GRK2: variants seen among roughly 807,000 people sequenced by gnomAD.
The protein encoded by GRK2 is G protein-coupled receptor kinase 2.
GRK2 carries 23 observed loss-of-function variants against 97.8 expected under a neutral mutation model. The ratio of observed to expected loss-of-function variants is 0.24; its 90% CI spans 0.17 to 0.33. GRK2 has a LOEUF of 0.33. Ranked by LOEUF, GRK2 falls within the 10% of genes least tolerant of loss-of-function variation. The probability of loss-of-function intolerance (pLI) is 1.00; values close to 1 mark genes in which losing one functional copy is unlikely to be tolerated. For missense variants in GRK2, 633 were observed against 956.9 expected (o/e 0.66, Z 4.47); for synonymous variants, 425 against 381.7 (o/e 1.11, Z -1.32).
At chr11:67,278,089 C>CCTCAGG (rs1860072590) in intron 2 of GRK2, among the ~76,000 whole-genome samples, 1 of 152,240 alleles carries the variant, frequency 6.6e-6, no homozygotes, top group South Asian at 2.1e-4. Flanking sequence ...CTGATGGTGT[C>CCTCAGG]CTCATCTGGG....
intron 1 of GRK2, among the ~76,000 whole-genome samples, chr11:67,275,347 C>T (rs1310050567): frequency 1.3e-5 from 2 of 152,224 alleles, no homozygotes; most frequent in Admixed American, 6.5e-5. Context: ...AGCTGCTCTC[C>T]GCAGACGGCT....
chr11:67,266,806 A>G lies in GRK2; in HGVS notation c.107A>G (p.Glu36Gly). 2 of 1,298,804 alleles carry G rather than the reference A, an allele frequency of 1.5e-6. No individual in the cohort carries two copies. Among genetic ancestry groups the G allele is most frequent in the South Asian group, 2.2e-5 (1 of 45,282 alleles). The allele number at this position is 1,298,804 out of a possible 1,614,324, so 80.5% of individuals were successfully genotyped here. The change falls in exon 1 of 21, where the codon GAG becomes GGG. Residue 36 changes from glutamate (E) to glycine (G), a missense_variant. Physicochemically the swap from Glu to Gly is moderately conservative, Grantham distance 98. This residue lies in a region of GRK2 where 193 missense variants were observed against 212.2 expected (regional missense o/e 0.91). Coordinates refer to ENST00000308595, the MANE Select transcript of GRK2 (RefSeq NM_001619.5). Reference sequence around the variant, plus strand: ...GCCAGCAAGAAGATCCTGCTGCCCGAGCCCAGGTGAGGAGAAGCTGCCCGC... The same window carrying G: ...GCCAGCAAGAAGATCCTGCTGCCCGGGCCCAGGTGAGGAGAAGCTGCCCGC... The part of the protein sequence containing the change: ...ARASKKILLP[E>G]PSIRSVMQKY...
In GRK2 at chr11:67,281,993, GTCCTC is replaced by G. The variant is rs1860163176; in HGVS notation, c.957+46_957+50del. 1 of 1,610,930 alleles carries G rather than the reference GTCCTC, an allele frequency of 6.2e-7. No homozygotes were observed. On this transcript the variant is annotated intron_variant, in intron 11 of 20. Transcript: ENST00000308595. This position sits in a 1 kb window ranked among gnomAD's most constrained non-coding sequence, Gnocchi z 5.7. ...GTCCCCAGGCTGGACCTCCGTGGCT[GTCCTC>G]TCCTTCCTCTCGACATCCCGGCCAC...
chr11:67,282,321 G>C lies in GRK2; in HGVS notation c.1008G>C (p.Leu336=). Residue 336 remains leucine (L), a synonymous_variant, in exon 12 of 21, where the codon CTG becomes CTC. Transcript: ENST00000308595. The surrounding 1 kb of genome is among the most constrained non-coding windows in gnomAD (Gnocchi z 6.9). The part of the protein sequence containing the change: ...DEHGHVRISD[L]GLACDFSKKK... Reference sequence around the variant, plus strand: ...ATGGCCACGTGCGGATCTCGGACCTGGGCCTGGCCTGTGACTTCTCCAAGA... The same window carrying C: ...ATGGCCACGTGCGGATCTCGGACCTCGGCCTGGCCTGTGACTTCTCCAAGA... 1 of 1,613,188 alleles carries C rather than the reference G, an allele frequency of 6.2e-7. No individual in the cohort carries two copies. Among genetic ancestry groups the C allele is most frequent in the African/African-American group, 1.3e-5 (1 of 74,896 alleles).
chr11:67,283,515 T>A (rs934694386), intron 15 of GRK2, 192 bp from the exon 16 acceptor site: 2 of 635,062 alleles, frequency 3.1e-6, no homozygotes, highest in Non-Finnish European at 5.5e-6. Context: ...GGCATAGGGT[T>A]GCAAAATTTA....
In GRK2 at chr11:67,269,602, G is replaced by T. The variant is rs769009423; in HGVS notation, c.113+2790G>T. On this transcript the variant is annotated intron_variant, in intron 1 of 20. Transcript: ENST00000308595. The surrounding 1 kb of genome is among the most constrained non-coding windows in gnomAD (Gnocchi z 4.1). ...GGCTGGGATGGAGAACTGAGCTGCCGTGGCAAAGCTACTGCACCGAGGGGC... is the reference window on the plus strand; with the variant it reads ...GGCTGGGATGGAGAACTGAGCTGCCTTGGCAAAGCTACTGCACCGAGGGGC... 6.6e-6 allele frequency among the ~76,000 whole-genome samples: 1 copy of T among 152,182 alleles called. No homozygotes were observed. Among genetic ancestry groups the T allele is most frequent in the Admixed American group, 6.5e-5 (1 of 15,280 alleles).
chr11:67,266,994 C>T (rs1179080903), intron 1 of GRK2, among the ~76,000 whole-genome samples, 182 bp downstream of exon 1: 5 of 151,974 alleles, frequency 3.3e-5, no homozygotes, highest in African/African-American at 7.2e-5. Context: ...GACCCTAAGC[C>T]CCAGACCCTG....
At position 67,269,928 on chromosome 11, in the gene GRK2, G is replaced by A. The variant is rs1447770084; in HGVS notation, c.113+3116G>A. ...GGGCCTCCCCTTCTGTCACCCTATA[G>A]AATCCAAGGAAACAGTCCCTTTCCC... is the stretch of plus-strand genomic sequence containing the variant. On this transcript the variant is annotated intron_variant, in intron 1 of 20. Coordinates refer to ENST00000308595, the MANE Select transcript of GRK2 (RefSeq NM_001619.5). This position sits in a 1 kb window ranked among gnomAD's most constrained non-coding sequence, Gnocchi z 4.1. 6.6e-6 allele frequency among the ~76,000 whole-genome samples: 1 copy of A among 152,192 alleles called. No individual in the cohort carries two copies. Among genetic ancestry groups the A allele is most frequent in the Non-Finnish European group, 1.5e-5 (1 of 68,020 alleles).
At chr11:67,284,128 C>A in intron 17 of GRK2, 83 bp from the exon 18 acceptor site, 1 of 1,572,926 alleles carries the variant, frequency 6.4e-7, no homozygotes, top group Non-Finnish European at 8.7e-7. Context: ...CTACCCAGGG[C>A]CCTGGGTCTG....
In GRK2 at chr11:67,281,612, G is replaced by A; in HGVS notation, c.748-38G>A. The A allele has an allele frequency of 6.2e-7, 1 of 1,608,102 alleles. No homozygotes were observed. Among genetic ancestry groups the A allele is most frequent in the Non-Finnish European group, 8.5e-7 (1 of 1,175,318 alleles). On this transcript the variant is annotated intron_variant, in intron 9 of 20. Coordinates refer to ENST00000308595, the MANE Select transcript of GRK2 (RefSeq NM_001619.5). This position sits in a 1 kb window ranked among gnomAD's most constrained non-coding sequence, Gnocchi z 5.7. ...AGGCTCTGGAACCCCGGGCGCCCCTGCTAACTGCCCGCCCCCTCCCCTCCT... is the reference window on the plus strand; with the variant it reads ...AGGCTCTGGAACCCCGGGCGCCCCTACTAACTGCCCGCCCCCTCCCCTCCT...
chr11:67,274,185 G>A (rs945480224), intron 1 of GRK2, among the ~76,000 whole-genome samples: 1 of 152,026 alleles, frequency 6.6e-6, no homozygotes, highest in Non-Finnish European at 1.5e-5. Flanking sequence ...GCTAATTTTT[G>A]TATTTTCAGT....
At position 67,275,240 on chromosome 11, in the gene GRK2, T is replaced by C. The variant is rs1166826682; in HGVS notation, c.114-2032T>C. Among the ~76,000 whole-genome samples, 12 of 152,078 alleles carry C rather than the reference T, an allele frequency of 7.9e-5. No individual in the cohort carries two copies. The East Asian group carries it at 2.3e-3, about 29-fold the overall frequency. ...CCCGGGAGTCCACTGCAGCCCTTCCTGGAAGGACAGTGCCCAGTGGAAGCG... is the reference window on the plus strand; with the variant it reads ...CCCGGGAGTCCACTGCAGCCCTTCCCGGAAGGACAGTGCCCAGTGGAAGCG... On this transcript the variant is annotated intron_variant, in intron 1 of 20. Coordinates refer to ENST00000308595, the MANE Select transcript of GRK2 (RefSeq NM_001619.5).
intron 15 of GRK2, 47 bp downstream of exon 15, chr11:67,283,275 A>C: frequency 6.5e-7 from 1 of 1,535,174 alleles, no homozygotes; most frequent in East Asian, 2.2e-5. Flanking sequence ...TGCCCCCATG[A>C]GGACAAGGGC....
chr11:67,272,936 C>T (rs1348594753), intron 1 of GRK2, among the ~76,000 whole-genome samples: 2 of 152,248 alleles, frequency 1.3e-5, no homozygotes, highest in Non-Finnish European at 2.9e-5. Flanking sequence ...AGACCAGTTA[C>T]TGTGTGATTC....
chr11:67,282,979 C>A lies in GRK2; in HGVS notation c.1228-149C>A. The A allele has an allele frequency of 3.5e-6, 4 of 1,141,320 alleles. No individual in the cohort carries two copies. The highest frequency in any genetic ancestry group is 4.8e-5 in the East Asian group (2 of 41,962). 70.7% of individuals were successfully genotyped at this position (1,141,320 alleles called of 1,614,324 possible). A position where few individuals can be genotyped will look rare whatever the true frequency, so the allele number is the denominator to read the frequency against. On this transcript the variant is annotated intron_variant, in intron 14 of 20. Coordinates refer to ENST00000308595, the MANE Select transcript of GRK2 (RefSeq NM_001619.5). This position sits in a 1 kb window ranked among gnomAD's most constrained non-coding sequence, Gnocchi z 6.9. ...CCTGCCCCATAGGCTCTCGCCCTCC[C>A]CGTGCTGTTGGAGCATGACTGCTGG...
chr11:67,280,314 G>A (rs983853315), intron 6 of GRK2: 16 of 368,894 alleles, frequency 4.3e-5, no homozygotes, highest in African/African-American at 3.3e-4. Context: ...GGGAATTGTA[G>A]GTAGATTTCA....
chr11:67,283,816 C>A, intron 16 of GRK2, 38 bp from the exon 17 acceptor site: 1 of 1,609,898 alleles, frequency 6.2e-7, no homozygotes, highest in Non-Finnish European at 8.5e-7. Context: ...TGCAGCCCCA[C>A]CCCCGAGCTA....
intron 1 of GRK2, among the ~76,000 whole-genome samples, chr11:67,274,914 G>T (rs1487053528): frequency 6.6e-6 from 1 of 152,194 alleles, no homozygotes; most frequent in Non-Finnish European, 1.5e-5. Context: ...TTCTCAGAGG[G>T]CATCCTCACT....
chr11:67,269,647 G>A lies in GRK2; in HGVS notation c.113+2835G>A, dbSNP rs982597549. ...AGGGGCAGCCCCACTCCAGGGTCCCGTCAGATGCAGGAGCCTGTCTTCCCC... is the reference window on the plus strand; with the variant it reads ...AGGGGCAGCCCCACTCCAGGGTCCCATCAGATGCAGGAGCCTGTCTTCCCC... On this transcript the variant is annotated intron_variant, in intron 1 of 20. Transcript: ENST00000308595. The surrounding 1 kb of genome is among the most constrained non-coding windows in gnomAD (Gnocchi z 4.1). Among the ~76,000 whole-genome samples, 21 of 152,198 alleles carry A rather than the reference G, an allele frequency of 1.4e-4. No homozygotes were observed. The highest frequency in any genetic ancestry group is 4.8e-4 in the African/African-American group (20 of 41,448).
Sources: gnomAD v4.1 joint callset for allele counts (sites outside exome capture counted in the v4.1 genomes callset) on GRCh38, gnomAD v4.1.1 for gene constraint, gnomAD v4.1.1 regional missense constraint, Gnocchi (gnomAD v3.1) non-coding constraint, MANE v1.5 for transcripts, NCBI Gene and HGNC (gene_info 2026-07-23, HGNC 2026-07-21) for gene names.